Variants in NEDD9 observed in about 807,000 individuals in gnomAD.
NEDD9 encodes the protein enhancer of filamentation 1.
A neutral mutation model predicts 76.6 loss-of-function variants in NEDD9; 26 were observed. That is an observed-to-expected ratio of 0.34 (90% CI 0.25 to 0.47). NEDD9 has a LOEUF of 0.47. Ranked by LOEUF, NEDD9 falls within the 20% of genes least tolerant of loss-of-function variation. NEDD9 has a pLI of 1.00. For synonymous variants in NEDD9, 392 were observed against 414.2 expected (o/e 0.95, Z 0.65); for missense variants, 937 against 1,058.5 (o/e 0.89, Z 1.59).
chr6:11,299,452 A>G (rs930942566), intron 3 of NEDD9, among the ~76,000 whole-genome samples: 14 of 152,232 alleles, frequency 9.2e-5, no homozygotes, highest in African/African-American at 3.4e-4. Context: ...GGCAGCAGAC[A>G]GCTTCTGCAG....
intron 2 of NEDD9, among the ~76,000 whole-genome samples, chr6:11,212,882 C>A (rs1426407978): frequency 6.6e-6 from 1 of 152,310 alleles, no homozygotes; most frequent in Non-Finnish European, 1.5e-5. Context: ...AAGGGAGGAT[C>A]CTTGTTGCAT....
intron 1 of NEDD9, among the ~76,000 whole-genome samples, chr6:11,229,855 G>T (rs533587847): frequency 6.6e-6 from 1 of 152,222 alleles, no homozygotes; most frequent in African/African-American, 2.4e-5. Flanking sequence ...ATTACTGCAA[G>T]TACCTTGCTG....
chr6:11,380,250 G>T (rs141727746), intron 1 of NEDD9, among the ~76,000 whole-genome samples: 2 of 152,244 alleles, frequency 1.3e-5, no homozygotes, highest in Non-Finnish European at 2.9e-5. Context: ...TCTTAGCTTG[G>T]GTTCCCCCAG....
intron 3 of NEDD9, among the ~76,000 whole-genome samples, chr6:11,277,611 C>T (rs1760443988): frequency 6.6e-6 from 1 of 152,200 alleles, no homozygotes; most frequent in African/African-American, 2.4e-5. Context: ...ACGTTGCCCT[C>T]AGCCCTGAGA....
intron 1 of NEDD9, among the ~76,000 whole-genome samples, chr6:11,348,194 G>A (rs1762398942): frequency 6.6e-6 from 1 of 152,138 alleles, no homozygotes; most frequent in Non-Finnish European, 1.5e-5. Flanking sequence ...GCTACAAAGA[G>A]AATAAAATAC....
chr6:11,186,921 C>A lies in NEDD9; in HGVS notation c.1996-1250G>T, dbSNP rs1016872491. Among the ~76,000 whole-genome samples, 10 of 152,272 alleles carry A rather than the reference C, an allele frequency of 6.6e-5. 1 individual carries two copies. Among genetic ancestry groups the A allele is most frequent in the African/African-American group, 2.4e-4 (10 of 41,572 alleles). On this transcript the variant is annotated intron_variant, in intron 6 of 6. Coordinates refer to ENST00000379446, the MANE Select transcript of NEDD9 (RefSeq NM_006403.4). The stretch of plus-strand genomic sequence containing the variant: ...GTGAGCCACCGTGCCCAGCCTTCAA[C>A]AGCTTTACTTTTCTAGAATCTGTTT...
At chr6:11,244,146 T>A (rs1407394820) in intron 3 of NEDD9, among the ~76,000 whole-genome samples, 2 of 152,180 alleles carry the variant, frequency 1.3e-5, no homozygotes, top group Non-Finnish European at 2.9e-5. Context: ...GCCTTCAGAC[T>A]CAAGCTGCAA....
At chr6:11,344,851 C>T (rs925075035) in intron 1 of NEDD9, among the ~76,000 whole-genome samples, 12 of 152,280 alleles carry the variant, frequency 7.9e-5, no homozygotes, top group African/African-American at 2.6e-4. Context: ...CTACTCTCCA[C>T]CCATTACAGA....
At chr6:11,219,469 C>A (rs1759077540) in intron 1 of NEDD9, among the ~76,000 whole-genome samples, 1 of 152,186 alleles carries the variant, frequency 6.6e-6, no homozygotes, top group Non-Finnish European at 1.5e-5. Context: ...CAGGGTTGCC[C>A]CATTCTCAAT....
In NEDD9 at chr6:11,241,970, G is replaced by A. The variant is rs12209631; in HGVS notation, c.13-28243C>T. ...GGCGGGAACACAGCACACCCTGCACGGTTCAAGCCAAGCTTTTGAAGAGTT... is the reference window on the plus strand; with the variant it reads ...GGCGGGAACACAGCACACCCTGCACAGTTCAAGCCAAGCTTTTGAAGAGTT... On this transcript the variant is annotated intron_variant, in intron 3 of 3. Transcript: ENST00000397378. This position sits in a 1 kb window ranked among gnomAD's most constrained non-coding sequence, Gnocchi z 4.0. 0.22 allele frequency among the ~76,000 whole-genome samples: 33,946 copies of A among 152,156 alleles called. 4,306 individuals carry two copies. Among genetic ancestry groups the A allele is most frequent in the Non-Finnish European group, 0.29 (19,555 of 67,962 alleles).
chr6:11,322,796 G>A (rs1223735947), intron 2 of NEDD9, among the ~76,000 whole-genome samples: 1 of 152,188 alleles, frequency 6.6e-6, no homozygotes, highest in African/African-American at 2.4e-5. Flanking sequence ...AAGGCTCTAG[G>A]GGCGAGGCCT....
At chr6:11,320,782 T>C (rs528592428) in intron 2 of NEDD9, among the ~76,000 whole-genome samples, 58 of 152,316 alleles carry the variant, frequency 3.8e-4, no homozygotes, top group African/African-American at 1.2e-3. Context: ...AAGTGTAAGA[T>C]GCAGAGCACT....
At chr6:11,217,271 G>A (rs1006592147) in intron 1 of NEDD9, among the ~76,000 whole-genome samples, 1 of 152,212 alleles carries the variant, frequency 6.6e-6, no homozygotes, top group Non-Finnish European at 1.5e-5. Context: ...GCAAGGAAGT[G>A]GAGGGATCCT....
At chr6:11,365,299 C>T (rs1486962166) in intron 1 of NEDD9, among the ~76,000 whole-genome samples, 1 of 152,038 alleles carries the variant, frequency 6.6e-6, no homozygotes, top group African/African-American at 2.4e-5. Context: ...CAAAAAAAAA[C>T]AGCTCTTCCT....
chr6:11,224,375 A>G (rs1581968038), intron 1 of NEDD9, among the ~76,000 whole-genome samples: 1 of 152,136 alleles, frequency 6.6e-6, no homozygotes, highest in African/African-American at 2.4e-5. Context: ...CATTTCTGCT[A>G]TTCCCTTCCT....
intron 3 of NEDD9, among the ~76,000 whole-genome samples, chr6:11,248,658 C>A (rs1336993698): frequency 2.0e-5 from 3 of 152,180 alleles, no homozygotes; most frequent in Non-Finnish European, 4.4e-5. Context: ...TAGAAGGCAT[C>A]GGAGCCTTTG....
intron 2 of NEDD9, chr6:11,207,350 G>A (rs1758644776): frequency 6.6e-6 from 1 of 152,218 alleles, no homozygotes; most frequent in Admixed American, 6.5e-5. Context: ...GTCTGTGTGT[G>A]TGTATGTGTA....
intron 3 of NEDD9, among the ~76,000 whole-genome samples, chr6:11,246,951 A>G (rs1279756267): frequency 6.6e-6 from 1 of 152,064 alleles, no homozygotes; most frequent in Non-Finnish European, 1.5e-5. Context: ...ACTGCCCTGC[A>G]ACCTCCCACA....
intron 1 of NEDD9, among the ~76,000 whole-genome samples, chr6:11,231,374 G>C (rs1227127271): frequency 6.6e-6 from 1 of 152,284 alleles, no homozygotes; most frequent in South Asian, 2.1e-4. Context: ...TTGAACAAAA[G>C]CTTTATTACT....
Sources: gnomAD v4.1 joint callset for allele counts (sites outside exome capture counted in the v4.1 genomes callset) on GRCh38, gnomAD v4.1.1 for gene constraint, Gnocchi (gnomAD v3.1) non-coding constraint, MANE v1.5 for transcripts, NCBI Gene and HGNC (gene_info 2026-07-23, HGNC 2026-07-21) for gene names.